Variants in GPAM observed in about 807,000 individuals in gnomAD.
GPAM encodes the protein glycerol-3-phosphate acyltransferase 1, mitochondrial.
In GPAM, 56 loss-of-function variants were observed where a neutral mutation model predicts 105.0. The observed-to-expected ratio is 0.53, with a 90% CI of 0.43 to 0.67. The LOEUF is 0.67. Among genes scored for constraint, GPAM ranks in the 30% least tolerant of loss-of-function variants. GPAM has a pLI of 0.00. For synonymous variants in GPAM, 368 were observed against 354.4 expected, an observed-to-expected ratio of 1.04 and a Z score of -0.43; for missense variants, 855 against 989.8, an observed-to-expected ratio of 0.86 and a Z score of 1.83.
At chr10:112,171,774 A>C (rs955736564) in intron 9 of GPAM, among the ~76,000 whole-genome samples, 6 of 152,194 alleles carry the variant, frequency 3.9e-5, no homozygotes, top group Admixed American at 3.9e-4. Context: ...TAGCTCTACT[A>C]AATTATGAGG....
intron 9 of GPAM, 147 bp from the exon 10 acceptor site, chr10:112,169,099 C>A: frequency 1.6e-6 from 1 of 638,742 alleles, no homozygotes; most frequent in Non-Finnish European, 2.8e-6. Context: ...GCATTTTTTT[C>A]ATTTTCCATA....
At chr10:112,163,664 TA>T in intron 14 of GPAM, 36 bp downstream of exon 14, 2 of 979,804 alleles carry the variant, frequency 2.0e-6, no homozygotes, top group Non-Finnish European at 3.3e-6. Flanking sequence ...ATGATGAATC[TA>T]AATTGTAGAA....
intron 1 of GPAM, among the ~76,000 whole-genome samples, chr10:112,191,882 C>T (rs1014130607): frequency 2.6e-5 from 4 of 152,162 alleles, no homozygotes; most frequent in Non-Finnish European, 5.9e-5. Context: ...TTGGAGGTGG[C>T]AGGGCTTCAA....
At chr10:112,183,766 A>G (rs1014931159), upstream of GPAM, 1 of 152,180 alleles carries the variant, frequency 6.6e-6, no homozygotes, top group Non-Finnish European at 1.5e-5. Flanking sequence ...GCAGTGGCGC[A>G]CCCTGATGAC....
At chr10:112,163,588 T>C in intron 14 of GPAM, 113 bp downstream of exon 14, 1 of 701,002 alleles carries the variant, frequency 1.4e-6, no homozygotes. Context: ...TATCACCACC[T>C]GTGAATTAAT....
chr10:112,221,777 G>T, the GPAM span, among the ~76,000 whole-genome samples: 1 of 152,184 alleles, frequency 6.6e-6, no homozygotes, highest in Non-Finnish European at 1.5e-5. Flanking sequence ...GCCCTTCTGA[G>T]TCACAATTTC....
chr10:112,172,766 G>C (rs1358259273), intron 8 of GPAM, among the ~76,000 whole-genome samples: 1 of 152,076 alleles, frequency 6.6e-6, no homozygotes, highest in African/African-American at 2.4e-5. Flanking sequence ...ACTTACAAAA[G>C]GAATCCTGCA....
intron 1 of GPAM, among the ~76,000 whole-genome samples, chr10:112,190,059 A>G (rs1335507208): frequency 1.3e-5 from 2 of 152,252 alleles, no homozygotes; most frequent in African/African-American, 4.8e-5. Flanking sequence ...TAGAAATTCA[A>G]GATTTCATTG....
In GPAM at chr10:112,172,888, C is replaced by T. The variant is rs543387710; in HGVS notation, c.657+82G>A. On this transcript the variant is annotated intron_variant, in intron 8 of 21. Transcript: ENST00000348367. ...ATGGGTTGAAATACATCACAGTACA[C>T]AAGAAAACATTTCCACAAGAACCCT... The T allele has an allele frequency of 1.2e-4, 98 of 809,712 alleles. 2 individuals are homozygous for T. The South Asian group carries it at 1.3e-3, about 11-fold the overall frequency. The allele number at this position is 809,712 out of a possible 1,614,324, so 50.2% of individuals were successfully genotyped here.
intron 1 of GPAM, among the ~76,000 whole-genome samples, chr10:112,211,998 G>A (rs1431332474): frequency 2.0e-5 from 3 of 152,186 alleles, no homozygotes; most frequent in African/African-American, 4.8e-5. Flanking sequence ...GAGAAGAGAA[G>A]AGGAAGGGCC....
intron 9 of GPAM, among the ~76,000 whole-genome samples, chr10:112,170,840 T>C (rs1004135934): frequency 6.6e-6 from 1 of 152,242 alleles, no homozygotes; most frequent in African/African-American, 2.4e-5. Flanking sequence ...AAAGCACAGC[T>C]GGATAAATAT....
chr10:112,157,466 G>A, intron 18 of GPAM, 77 bp from the exon 19 acceptor site: 2 of 1,343,750 alleles, frequency 1.5e-6, no homozygotes, highest in Non-Finnish European at 1.1e-6. Flanking sequence ...CCAGGACAAG[G>A]CAGTCCTCTT....
intron 1 of GPAM, among the ~76,000 whole-genome samples, chr10:112,209,359 G>A (rs765842020): frequency 4.0e-5 from 6 of 151,870 alleles, no homozygotes; most frequent in Non-Finnish European, 7.4e-5. Context: ...AGTAGTGCGT[G>A]TTGTTCTGTC....
At chr10:112,214,546 GC>G (rs1847947682) in intron 1 of GPAM, 1 of 152,130 alleles carries the variant, frequency 6.6e-6, no homozygotes, top group South Asian at 2.1e-4. Flanking sequence ...AAAGCTATCT[GC>G]CCGATCCAAG....
In GPAM at chr10:112,151,978, C is replaced by A; in HGVS notation, c.*1572G>T. 1.0e-6 allele frequency: 1 copy of A among 980,998 alleles called. No homozygotes were observed. The highest frequency in any genetic ancestry group is 1.2e-6 in the Non-Finnish European group (1 of 825,946). 60.8% of individuals were successfully genotyped at this position (980,998 alleles called of 1,614,324 possible). ...TTTAAATGCAGAACTTGAGAGGGAT[C>A]ACAACAGCATAGCATTATTGCTATG... On this transcript the variant is annotated 3_prime_UTR_variant, in exon 22 of 22. Transcript: ENST00000348367.
At chr10:112,162,682 A>G (rs1411675282) in intron 14 of GPAM, among the ~76,000 whole-genome samples, 1 of 152,118 alleles carries the variant, frequency 6.6e-6, no homozygotes, top group African/African-American at 2.4e-5. Context: ...TTTATAAAGA[A>G]TTTTTAAATA....
At position 112,156,062 on chromosome 10, in the gene GPAM, G is replaced by A. The variant is rs1847012824; in HGVS notation, c.2122-9C>T. On this transcript the variant is annotated splice_polypyrimidine_tract_variant and intron_variant, in intron 19 of 21. Coordinates refer to ENST00000348367, the MANE Select transcript of GPAM (RefSeq NM_001244949.2). ...TCCTTGGATTGGCTCACCTGAGTGT[G>A]CAAAAGCAGGAGATGAAGTCATGAG... The A allele has an allele frequency of 6.2e-7, 1 of 1,600,286 alleles. No homozygotes were observed. Among genetic ancestry groups the A allele is most frequent in the African/African-American group, 1.3e-5 (1 of 74,796 alleles).
intron 17 of GPAM, among the ~76,000 whole-genome samples, chr10:112,158,932 CA>C (rs1178092834): frequency 2.0e-5 from 3 of 152,156 alleles, no homozygotes; most frequent in Non-Finnish European, 4.4e-5. Context: ...GGACCACGAG[CA>C]CACCTCACAC....
chr10:112,191,873 T>G (rs1335237375), intron 1 of GPAM, among the ~76,000 whole-genome samples: 3 of 152,142 alleles, frequency 2.0e-5, no homozygotes, highest in Non-Finnish European at 4.4e-5. Flanking sequence ...TGCAGAACCT[T>G]GGAGGTGGCA....
Sources: gnomAD v4.1 joint callset for allele counts (sites outside exome capture counted in the v4.1 genomes callset) on GRCh38, gnomAD v4.1.1 for gene constraint, MANE v1.5 for transcripts, NCBI Gene and HGNC (gene_info 2026-07-23, HGNC 2026-07-21) for gene names.